The following CAMTA1 variants were observed in gnomAD, a reference collection of about 807,000 sequenced individuals.
The protein encoded by CAMTA1 is calmodulin binding transcription activator 1.
Under a neutral mutation model 170.9 loss-of-function variants are expected in CAMTA1, and 27 were observed. The ratio of observed to expected loss-of-function variants is 0.16; its 90% CI spans 0.12 to 0.22. CAMTA1 has a LOEUF of 0.22. Ranked by LOEUF, CAMTA1 falls within the 10% of genes least tolerant of loss-of-function variation. The probability of loss-of-function intolerance (pLI) is 1.00; values close to 1 mark genes in which losing one functional copy is unlikely to be tolerated. For synonymous variants in CAMTA1, 833 were observed against 891.5 expected, an observed-to-expected ratio of 0.93 and a Z score of 1.17; for missense variants, 1,619 against 2,217.2, an observed-to-expected ratio of 0.73 and a Z score of 5.42.
chr1:7,174,311 T>G (rs1650298317), intron 4 of CAMTA1, among the ~76,000 whole-genome samples: 2 of 152,060 alleles, frequency 1.3e-5, no homozygotes, highest in African/African-American at 4.8e-5. Flanking sequence ...AAAAAGAAAC[T>G]CAAGTGCATT....
chr1:6,900,423 G>A (rs1290077316), intron 3 of CAMTA1, among the ~76,000 whole-genome samples: 5 of 151,740 alleles, frequency 3.3e-5, no homozygotes, highest in African/African-American at 1.2e-4. Flanking sequence ...TTTTTTTTCT[G>A]GAATTTTGGA....
intron 5 of CAMTA1, among the ~76,000 whole-genome samples, chr1:7,271,053 C>A (rs1669717163): frequency 6.6e-6 from 1 of 152,024 alleles, no homozygotes; most frequent in South Asian, 2.1e-4. Flanking sequence ...TTTGCATATC[C>A]CCCCAATTTT....
At chr1:7,298,518 A>G (rs1056141107) in intron 5 of CAMTA1, among the ~76,000 whole-genome samples, 7 of 152,230 alleles carry the variant, frequency 4.6e-5, no homozygotes, top group Admixed American at 4.6e-4. Context: ...GGGACTGTCT[A>G]CACAAGTACA....
chr1:6,971,687 A>G lies in CAMTA1; in HGVS notation c.235-119617A>G, dbSNP rs1461729599. ...AATGGTGTCTGTGGCTGGGATAAAA[A>G]CCCCCATGACCATCCTCCATGCTTA... On this transcript the variant is annotated intron_variant, in intron 3 of 22. Transcript: ENST00000303635. The surrounding 1 kb of genome is among the most constrained non-coding windows in gnomAD (Gnocchi z 4.6). Among the ~76,000 whole-genome samples, 1 of 151,854 alleles carries G rather than the reference A, an allele frequency of 6.6e-6. No homozygotes were observed. Among genetic ancestry groups the G allele is most frequent in the Non-Finnish European group, 1.5e-5 (1 of 67,970 alleles).
chr1:7,282,126 A>G (rs933944531), intron 5 of CAMTA1, among the ~76,000 whole-genome samples: 2 of 152,068 alleles, frequency 1.3e-5, no homozygotes, highest in Admixed American at 1.3e-4. Flanking sequence ...AGGGAGCCTC[A>G]TTTCTTCTGG....
intron 6 of CAMTA1, among the ~76,000 whole-genome samples, chr1:7,537,342 A>G (rs758765259): frequency 2.6e-5 from 4 of 152,178 alleles, no homozygotes; most frequent in African/African-American, 9.7e-5. Context: ...CCCCCACACC[A>G]TGAAGGACGC....
At chr1:7,339,511 T>C (rs1234811980) in intron 5 of CAMTA1, among the ~76,000 whole-genome samples, 1 of 152,216 alleles carries the variant, frequency 6.6e-6, no homozygotes, top group Non-Finnish European at 1.5e-5. Context: ...CCTGCCCTGC[T>C]TGGCCATTCT....
chr1:7,654,415 G>A (rs2095866234), intron 7 of CAMTA1, among the ~76,000 whole-genome samples: 1 of 151,680 alleles, frequency 6.6e-6, no homozygotes, highest in South Asian at 2.1e-4. Flanking sequence ...AAAATAAAGT[G>A]GTAGAGGAGA....
intron 6 of CAMTA1, among the ~76,000 whole-genome samples, chr1:7,638,414 G>C (rs756792395): frequency 1.3e-5 from 2 of 152,238 alleles, no homozygotes; most frequent in African/African-American, 2.4e-5. Context: ...GCCGAGGAAG[G>C]CAGATCACCT....
chr1:6,992,441 T>A (rs1303372518), intron 3 of CAMTA1, among the ~76,000 whole-genome samples: 1 of 152,240 alleles, frequency 6.6e-6, no homozygotes, highest in Non-Finnish European at 1.5e-5. Flanking sequence ...CTTTGCTTAT[T>A]GTGAAGATAT....
At chr1:7,151,180 G>T (rs1421032374) in intron 4 of CAMTA1, among the ~76,000 whole-genome samples, 2 of 152,252 alleles carry the variant, frequency 1.3e-5, no homozygotes, top group African/African-American at 4.8e-5. Context: ...CCCTTGGCCA[G>T]CGCTGGCGTT....
chr1:7,678,089 C>G (rs1272046560), intron 11 of CAMTA1, among the ~76,000 whole-genome samples: 2 of 152,226 alleles, frequency 1.3e-5, no homozygotes, highest in Admixed American at 1.3e-4. Context: ...AAGGTCCAAG[C>G]ACCCGCTGTG....
At chr1:6,874,228 T>C (rs1288023722) in intron 3 of CAMTA1, 1 of 152,190 alleles carries the variant, frequency 6.6e-6, no homozygotes, top group Non-Finnish European at 1.5e-5. Context: ...GCATAACCGG[T>C]GTGCTGAGAG....
chr1:7,133,685 G>A (rs74051139), intron 4 of CAMTA1, among the ~76,000 whole-genome samples: 5,015 of 152,206 alleles, frequency 0.033, 234 homozygotes, highest in African/African-American at 0.11. Flanking sequence ...GACGTCCTCC[G>A]TGATTTTCAG....
chr1:7,084,988 C>G (rs1640545200), intron 3 of CAMTA1, among the ~76,000 whole-genome samples: 1 of 152,082 alleles, frequency 6.6e-6, no homozygotes, highest in Admixed American at 6.5e-5. Flanking sequence ...TTTTAAAAAT[C>G]TTTTTATATT....
At chr1:6,987,012 C>G (rs1409178324) in intron 3 of CAMTA1, among the ~76,000 whole-genome samples, 5 of 152,090 alleles carry the variant, frequency 3.3e-5, no homozygotes, top group African/African-American at 1.2e-4. Flanking sequence ...GCCCCCACTT[C>G]CCATGCTCAT....
At chr1:7,645,365 C>A (rs1439365781) in intron 7 of CAMTA1, among the ~76,000 whole-genome samples, 1 of 152,272 alleles carries the variant, frequency 6.6e-6, no homozygotes, top group Non-Finnish European at 1.5e-5. Flanking sequence ...TCTGAGCACC[C>A]GTGGCTTTCT....
chr1:6,871,977 GTCT>G (rs1571214211), intron 3 of CAMTA1: 2 of 1,225,572 alleles, frequency 1.6e-6, no homozygotes, highest in Admixed American at 4.0e-5. Context: ...GCAAAATGCT[GTCT>G]TCATTTTCTG....
In CAMTA1 at chr1:7,634,068, G is replaced by A. The variant is rs1459386484; in HGVS notation, c.511-6332G>A. Among the ~76,000 whole-genome samples, 2 of 152,180 alleles carry A rather than the reference G, an allele frequency of 1.3e-5. No individual in the cohort carries two copies. The highest frequency in any genetic ancestry group is 4.8e-5 in the African/African-American group (2 of 41,450). On this transcript the variant is annotated intron_variant, in intron 6 of 22. Coordinates refer to ENST00000303635, the MANE Select transcript of CAMTA1 (RefSeq NM_015215.4). The surrounding 1 kb of genome is among the most constrained non-coding windows in gnomAD (Gnocchi z 6.2). ...GGCCTGGAACCGTGGCAGGAGTGTGGGCCTGATCTCAGTGCCAAGGAGCCG... is the reference window on the plus strand; with the variant it reads ...GGCCTGGAACCGTGGCAGGAGTGTGAGCCTGATCTCAGTGCCAAGGAGCCG...
Sources: allele counts gnomAD v4.1 joint callset (sites outside exome capture counted in the v4.1 genomes callset), GRCh38; gene constraint gnomAD v4.1.1; non-coding constraint Gnocchi (gnomAD v3.1); transcripts MANE v1.5; gene names NCBI Gene and HGNC (gene_info 2026-07-23, HGNC 2026-07-21).